The following KCNQ5 variants were observed in gnomAD, a reference collection of about 807,000 sequenced individuals.
KCNQ5 encodes potassium voltage-gated channel subfamily KQT member 5.
In KCNQ5, 30 loss-of-function variants were observed where a neutral mutation model predicts 98.2. The observed-to-expected ratio is 0.31, with a 90% CI of 0.23 to 0.41. KCNQ5 has a LOEUF of 0.41. Among genes scored for constraint, KCNQ5 ranks in the 10% least tolerant of loss-of-function variants. The pLI is 1.00. For synonymous variants in KCNQ5, 458 were observed against 449.4 expected (o/e 1.02, Z -0.24); for missense variants, 835 against 1,182.5 (o/e 0.71, Z 4.31).
At chr6:72,788,657 G>A (rs1399979016) in intron 1 of KCNQ5, among the ~76,000 whole-genome samples, 3 of 152,092 alleles carry the variant, frequency 2.0e-5, no homozygotes. Context: ...AAATAATTCT[G>A]GATTCTATAA....
intron 1 of KCNQ5, among the ~76,000 whole-genome samples, chr6:72,789,477 A>G (rs1773921562): frequency 1.3e-5 from 2 of 152,196 alleles, no homozygotes; most frequent in Admixed American, 6.5e-5. Context: ...TAGGACATAC[A>G]GTTTTCTTGA....
At chr6:73,150,480 A>G (rs184347751) in intron 10 of KCNQ5, among the ~76,000 whole-genome samples, 350 of 143,288 alleles carry the variant, frequency 2.4e-3, no homozygotes, top group African/African-American at 8.8e-3. Context: ...TACATATATT[A>G]TTATATTACA....
At chr6:72,633,860 C>A (rs1002724414) in intron 1 of KCNQ5, among the ~76,000 whole-genome samples, 6 of 152,192 alleles carry the variant, frequency 3.9e-5, no homozygotes, top group African/African-American at 1.4e-4. Flanking sequence ...GGACCCCTAC[C>A]TTTCACCATA....
chr6:72,675,150 A>T (rs1341191534), intron 1 of KCNQ5, among the ~76,000 whole-genome samples: 1 of 152,112 alleles, frequency 6.6e-6, no homozygotes, highest in East Asian at 1.9e-4. Context: ...AAACAAAAAA[A>T]TTTTCTCTGG....
At chr6:73,069,009 G>A (rs1371560391) in intron 3 of KCNQ5, among the ~76,000 whole-genome samples, 1 of 151,946 alleles carries the variant, frequency 6.6e-6, no homozygotes, top group Non-Finnish European at 1.5e-5. Flanking sequence ...TCTCTGCCTT[G>A]CCAACATTGA....
At chr6:72,817,307 A>G (rs552076909) in intron 1 of KCNQ5, among the ~76,000 whole-genome samples, 8 of 152,352 alleles carry the variant, frequency 5.3e-5, no homozygotes, top group African/African-American at 1.9e-4. Flanking sequence ...TAGTTCAACA[A>G]TGATTCAATT....
At chr6:72,837,962 T>A (rs2150129902) in intron 1 of KCNQ5, among the ~76,000 whole-genome samples, 1 of 152,200 alleles carries the variant, frequency 6.6e-6, no homozygotes, top group Non-Finnish European at 1.5e-5. Context: ...TCCTTTTTTT[T>A]ATTATTATAC....
rs145065411 is a variant in KCNQ5, at chr6:72,981,053, T to C, written c.399-22855T>C. 8.9e-3 allele frequency among the ~76,000 whole-genome samples: 1,359 copies of C among 152,302 alleles called. 45 individuals carry two copies. Among genetic ancestry groups the C allele is most frequent in the Admixed American group, 0.068 (1,046 of 15,286 alleles). On this transcript the variant is annotated intron_variant, in intron 1 of 13. Coordinates refer to ENST00000370398, the MANE Select transcript of KCNQ5 (RefSeq NM_019842.4). ...TAAGCTTTTTGATGTGCTGCTGATT[T>C]GGTTTGCCAGTATTTTATTGAGGAT...
chr6:72,823,763 TAAAG>T (rs894496114), intron 1 of KCNQ5, among the ~76,000 whole-genome samples: 1 of 151,996 alleles, frequency 6.6e-6, no homozygotes, highest in African/African-American at 2.4e-5. Context: ...AGCTCAGAAA[TAAAG>T]AACATTGGAG....
intron 1 of KCNQ5, among the ~76,000 whole-genome samples, chr6:72,899,229 A>G (rs1271397982): frequency 1.3e-5 from 2 of 152,128 alleles, no homozygotes; most frequent in African/African-American, 2.4e-5. Flanking sequence ...TAACAAAAAG[A>G]TTTTCTCCTG....
Position 73,063,721 on chromosome 6 carries a change from T to TAGATA in KCNQ5, c.617-13601_617-13600insAGATA, listed in dbSNP as rs1554203585. 4.1e-3 allele frequency among the ~76,000 whole-genome samples: 393 copies of TAGATA among 96,042 alleles called. 2 individuals are homozygous for TAGATA. Among genetic ancestry groups the TAGATA allele is most frequent in the African/African-American group, 6.2e-3 (161 of 26,030 alleles). 63.0% of individuals were successfully genotyped at this position (96,042 alleles called of 152,430 possible). ...ATAGATAGATAGATAGATAGATAGATGATAGATAGATAGATAGATAGATAG... is the reference window on the plus strand; with the variant it reads ...ATAGATAGATAGATAGATAGATAGATAGATAGATAGATAGATAGATAGATAGATAG... On this transcript the variant is annotated intron_variant, in intron 3 of 13. Coordinates refer to ENST00000370398, the MANE Select transcript of KCNQ5 (RefSeq NM_019842.4).
chr6:72,877,314 A>G (rs1048913543), intron 1 of KCNQ5, among the ~76,000 whole-genome samples: 1 of 151,916 alleles, frequency 6.6e-6, no homozygotes, highest in African/African-American at 2.4e-5. Context: ...AACATGTAGT[A>G]TTTGGTTTTC....
At chr6:72,874,195 A>T (rs1230104245) in intron 1 of KCNQ5, among the ~76,000 whole-genome samples, 1 of 152,094 alleles carries the variant, frequency 6.6e-6, no homozygotes, top group African/African-American at 2.4e-5. Context: ...TATTGAGAGT[A>T]GGAAAATAAA....
At chr6:72,872,693 A>G (rs2150164148) in intron 1 of KCNQ5, among the ~76,000 whole-genome samples, 1 of 152,216 alleles carries the variant, frequency 6.6e-6, no homozygotes, top group South Asian at 2.1e-4. Context: ...CACTTTGCTG[A>G]TTTACAACGA....
intron 7 of KCNQ5, among the ~76,000 whole-genome samples, chr6:73,118,547 G>A (rs980980813): frequency 6.6e-6 from 1 of 152,142 alleles, no homozygotes; most frequent in Non-Finnish European, 1.5e-5. Context: ...ATACTTAAAT[G>A]TTCAGCTTTC....
At chr6:72,950,142 C>T (rs368609281) in intron 1 of KCNQ5, among the ~76,000 whole-genome samples, 2 of 152,260 alleles carry the variant, frequency 1.3e-5, no homozygotes, top group Middle Eastern at 3.4e-3. Context: ...TCAAGAATAG[C>T]TAAGAAAAAC....
chr6:72,807,392 A>T (rs1775010363), intron 1 of KCNQ5, among the ~76,000 whole-genome samples: 1 of 152,222 alleles, frequency 6.6e-6, no homozygotes, highest in South Asian at 2.1e-4. Flanking sequence ...AGAGGGTTAA[A>T]TTCTATTAAA....
At chr6:72,856,939 G>A (rs1320244541) in intron 1 of KCNQ5, among the ~76,000 whole-genome samples, 1 of 152,152 alleles carries the variant, frequency 6.6e-6, no homozygotes, top group Non-Finnish European at 1.5e-5. Flanking sequence ...ATGCCTGAGG[G>A]TTATGGACTC....
At position 72,726,214 on chromosome 6, in the gene KCNQ5, T is replaced by TAA. The variant is rs1217865894; in HGVS notation, c.398+103627_398+103628insAA. Among the ~76,000 whole-genome samples the TAA allele has an allele frequency of 4.8e-3, 725 of 150,812 alleles. 4 individuals are homozygous for TAA. Among genetic ancestry groups the TAA allele is most frequent in the Non-Finnish European group, 5.9e-3 (397 of 67,612 alleles). Reference sequence around the variant, plus strand: ...ATCTGTTTTTTAAATTTAAATTTTTTTTTTTTTTTTTTTCGAGATGGAGTC... The same window carrying TAA: ...ATCTGTTTTTTAAATTTAAATTTTTTAATTTTTTTTTTTTTCGAGATGGAGTC... On this transcript the variant is annotated intron_variant, in intron 1 of 13. Transcript: ENST00000370398.
Sources: allele counts gnomAD v4.1 joint callset (sites outside exome capture counted in the v4.1 genomes callset), GRCh38; gene constraint gnomAD v4.1.1; transcripts MANE v1.5; gene names NCBI Gene and HGNC (gene_info 2026-07-23, HGNC 2026-07-21).